The following SLC25A40 variants were observed in gnomAD, a reference collection of about 807,000 sequenced individuals.
The protein encoded by SLC25A40 is mitochondrial glutathione transporter SLC25A40.
Under a neutral mutation model 46.5 loss-of-function variants are expected in SLC25A40, and 41 were observed. The observed-to-expected ratio is 0.88, with a 90% CI of 0.69 to 1.14. The LOEUF (loss-of-function observed/expected upper bound fraction) is 1.14. Ranked by LOEUF, SLC25A40 falls within the 50% of genes most tolerant of loss-of-function variation. The pLI, the probability that SLC25A40 is intolerant of heterozygous loss-of-function variation, is 0.00. For synonymous variants in SLC25A40, 126 were observed against 127.5 expected (o/e 0.99, Z 0.08); for missense variants, 386 against 393.6 (o/e 0.98, Z 0.16).
chr7:87,843,346 A>G (rs565326112), intron 9 of SLC25A40, among the ~76,000 whole-genome samples: 1 of 152,094 alleles, frequency 6.6e-6, no homozygotes, highest in African/African-American at 2.4e-5. Context: ...GTACTTTAGT[A>G]GGACAAAATG....
chr7:87,865,741 T>C (rs10268868), intron 1 of SLC25A40, among the ~76,000 whole-genome samples: 14,011 of 151,616 alleles, frequency 0.092, 769 homozygotes, highest in African/African-American at 0.16. Flanking sequence ...CACTGCACTC[T>C]AGTTTGGGTG....
intron 10 of SLC25A40, among the ~76,000 whole-genome samples, chr7:87,840,688 A>C (rs572791956): frequency 1.3e-4 from 19 of 151,928 alleles, no homozygotes; most frequent in Non-Finnish European, 2.5e-4. Flanking sequence ...CTCATGCCTA[A>C]AACAGGGAAG....
intron 9 of SLC25A40, 53 bp downstream of exon 9, chr7:87,843,701 T>C: frequency 7.0e-7 from 1 of 1,421,404 alleles, no homozygotes. Context: ...TTTGTTTTGT[T>C]TTAATACAAC....
rs1312656507 is a variant in SLC25A40, at chr7:87,835,468, T to C, written c.*781A>G. On this transcript the variant is annotated 3_prime_UTR_variant, in exon 12 of 12. Transcript: ENST00000341119. ...GCTATTCCTGTGTGCAAACTATTTT[T>C]ACCAGTCTAAATACTATATGGTTTA... The C allele has an allele frequency of 6.6e-6, 1 of 151,664 alleles. No homozygotes were observed. Among genetic ancestry groups the C allele is most frequent in the Non-Finnish European group, 1.5e-5 (1 of 67,714 alleles). 9.4% of individuals were successfully genotyped at this position (151,664 alleles called of 1,614,324 possible).
At chr7:87,860,765 C>G (rs888937629) in intron 1 of SLC25A40, 125 bp from the exon 2 acceptor site, 5 of 152,038 alleles carry the variant, frequency 3.3e-5, no homozygotes, top group African/African-American at 1.2e-4. Flanking sequence ...ATGCTTTCTA[C>G]TAATTGCTTT....
chr7:87,854,037 C>T (rs1838561581), intron 5 of SLC25A40, among the ~76,000 whole-genome samples, 167 bp downstream of exon 5: 1 of 151,962 alleles, frequency 6.6e-6, no homozygotes, highest in Non-Finnish European at 1.5e-5. Context: ...CCCTTTTTTA[C>T]ACAAAACCAT....
rs1417192504 is a variant in SLC25A40 at position 87,833,617 on chromosome 7, C to G, written c.*2632G>C. On this transcript the variant is annotated 3_prime_UTR_variant, in exon 12 of 12. Coordinates refer to ENST00000341119, the MANE Select transcript of SLC25A40 (RefSeq NM_018843.4). ...AAAAAGTTCATCTTAGAAGAAAATT[C>G]AAAAGGGATACAATAAACTTTTCCA... 6.6e-6 allele frequency: 1 copy of G among 151,758 alleles called. No individual in the cohort carries two copies. Among genetic ancestry groups the G allele is most frequent in the Non-Finnish European group, 1.5e-5 (1 of 67,910 alleles). The allele number at this position is 151,758 out of a possible 1,614,324, so 9.4% of individuals were successfully genotyped here.
chr7:87,858,945 T>TA (rs1012325622), intron 2 of SLC25A40, among the ~76,000 whole-genome samples, 194 bp from the exon 3 acceptor site: 10 of 151,942 alleles, frequency 6.6e-5, no homozygotes, highest in African/African-American at 2.4e-4. Flanking sequence ...TACACACTAC[T>TA]AAAAAAACCT....
chr7:87,863,704 TTTTA>T (rs201409214), intron 1 of SLC25A40, among the ~76,000 whole-genome samples: 4,243 of 152,154 alleles, frequency 0.028, 58 homozygotes, highest in Middle Eastern at 0.048. Flanking sequence ...ACCATTTATC[TTTTA>T]TTTATGTTAG....
chr7:87,855,487 C>G (rs1838597460), intron 4 of SLC25A40, among the ~76,000 whole-genome samples: 2 of 142,598 alleles, frequency 1.4e-5, no homozygotes, highest in African/African-American at 6.1e-5. Context: ...ACTTACTGGA[C>G]TAACTGTTGC....
intron 8 of SLC25A40, 151 bp from the exon 9 acceptor site, chr7:87,844,014 C>CT: frequency 2.3e-6 from 3 of 1,304,398 alleles, no homozygotes; most frequent in Non-Finnish European, 1.9e-6. Flanking sequence ...GGTGGGATTT[C>CT]TTTTTTTAAT....
chr7:87,855,674 T>C (rs1838601560), intron 4 of SLC25A40, among the ~76,000 whole-genome samples: 1 of 152,210 alleles, frequency 6.6e-6, no homozygotes, highest in South Asian at 2.1e-4. Flanking sequence ...ACCAGGGCTG[T>C]TCATTCCATC....
At chr7:87,858,461 AC>A (rs760808679) in intron 3 of SLC25A40, among the ~76,000 whole-genome samples, 169 bp downstream of exon 3, 14 of 151,996 alleles carry the variant, frequency 9.2e-5, no homozygotes, top group Non-Finnish European at 1.9e-4. Context: ...ATGTGATGTC[AC>A]CCCCGGAGGC....
intron 1 of SLC25A40, among the ~76,000 whole-genome samples, chr7:87,866,325 AT>A (rs201042398): frequency 8.0e-5 from 12 of 149,762 alleles, no homozygotes; most frequent in East Asian, 3.9e-4. Flanking sequence ...TGGATGGCAG[AT>A]TTTTTTTTTC....
intron 1 of SLC25A40, among the ~76,000 whole-genome samples, chr7:87,870,163 TA>T (rs1838873743): frequency 6.6e-6 from 1 of 151,668 alleles, no homozygotes; most frequent in Non-Finnish European, 1.5e-5. Context: ...TATTGAGTTA[TA>T]ATAATTCTTC....
Position 87,847,997 on chromosome 7 carries a change from G to T in SLC25A40, c.333-20C>A. The stretch of plus-strand genomic sequence containing the variant: ...ATCACTCTGTTAGATCACACAAAAA[G>T]ATTTGTTCAAAATTATCAAAAGATC... On this transcript the variant is annotated intron_variant, in intron 6 of 11. Transcript: ENST00000341119. 1.3e-6 allele frequency: 2 copies of T among 1,585,822 alleles called. No individual in the cohort carries two copies. Among genetic ancestry groups the T allele is most frequent in the South Asian group, 2.4e-5 (2 of 83,720 alleles).
chr7:87,850,612 T>TA (rs1016981605), intron 5 of SLC25A40, among the ~76,000 whole-genome samples: 9 of 151,726 alleles, frequency 5.9e-5, no homozygotes, highest in African/African-American at 1.9e-4. Flanking sequence ...TACAAAAAGC[T>TA]AAAAAATTTG....
intron 1 of SLC25A40, 53 bp downstream of exon 1, chr7:87,876,041 CAA>C (rs1839008976): frequency 6.6e-6 from 1 of 152,300 alleles, no homozygotes; most frequent in African/African-American, 2.4e-5. Flanking sequence ...CGGACTCAGC[CAA>C]AGCCCCTCGC....
chr7:87,843,303 C>T (rs771138768), intron 9 of SLC25A40, among the ~76,000 whole-genome samples: 4 of 151,950 alleles, frequency 2.6e-5, no homozygotes, highest in South Asian at 2.1e-4. Context: ...TATTTCCTTC[C>T]GACTGTAATT....
Sources: allele counts gnomAD v4.1 joint callset (sites outside exome capture counted in the v4.1 genomes callset), GRCh38; gene constraint gnomAD v4.1.1; transcripts MANE v1.5; gene names NCBI Gene and HGNC (gene_info 2026-07-23, HGNC 2026-07-21).